The following PAX7 variants were observed in gnomAD, a reference collection of about 807,000 sequenced individuals.
The protein encoded by PAX7 is paired box 7.
A neutral mutation model predicts 50.7 loss-of-function variants in PAX7; 18 were observed. The observed-to-expected ratio is 0.36, with a 90% CI of 0.25 to 0.53. The LOEUF (loss-of-function observed/expected upper bound fraction) is 0.53. Among genes scored for constraint, PAX7 ranks in the 20% least tolerant of loss-of-function variants. The pLI, the probability that PAX7 is intolerant of heterozygous loss-of-function variation, is 0.93. For synonymous variants in PAX7, 310 were observed against 290.4 expected, an observed-to-expected ratio of 1.07 and a Z score of -0.69; for missense variants, 644 against 702.9, an observed-to-expected ratio of 0.92 and a Z score of 0.95.
chr1:18,729,037 A>G (rs9439685), intron 7 of PAX7, among the ~76,000 whole-genome samples: 6,103 of 152,048 alleles, frequency 0.04, 176 homozygotes, highest in East Asian at 0.1. Flanking sequence ...TGGATTCCAG[A>G]CCCCAGACCC....
chr1:18,637,400 C>T (rs983538836), intron 4 of PAX7, among the ~76,000 whole-genome samples: 1 of 151,988 alleles, frequency 6.6e-6, no homozygotes, highest in Non-Finnish European at 1.5e-5. Context: ...AAGAAAAGGC[C>T]CCAAACACAT....
Position 18,631,646 on chromosome 1 carries a change from G to T in PAX7, c.43G>T (p.Ala15Ser). ...PGTVPRMMRPAPGQNYPRTGF... is the reference protein window; with the variant it reads ...PGTVPRMMRPSPGQNYPRTGF... ...CACGGTACCGAGAATGATGCGGCCGGCTCCGGGGCAGAACTACCCCCGCAC... is the reference window on the plus strand; with the variant it reads ...CACGGTACCGAGAATGATGCGGCCGTCTCCGGGGCAGAACTACCCCCGCAC... Residue 15 changes from alanine (A) to serine (S), a missense_variant, in exon 1 of 9, where the codon GCT (alanine) becomes TCT (serine). Ala to Ser is a moderately conservative substitution (Grantham distance 99, BLOSUM62 1). Coordinates refer to ENST00000420770, the MANE Select transcript of PAX7 (RefSeq NM_001135254.2). 6.2e-7 allele frequency: 1 copy of T among 1,613,228 alleles called. No individual in the cohort carries two copies. The highest frequency in any genetic ancestry group is 1.1e-5 in the South Asian group (1 of 90,746).
chr1:18,707,099 T>A (rs568991), intron 7 of PAX7, among the ~76,000 whole-genome samples: 12 of 152,256 alleles, frequency 7.9e-5, no homozygotes, highest in Middle Eastern at 3.4e-3. Context: ...TTATAGAGAA[T>A]CTACTATGTG....
At chr1:18,655,608 G>T (rs1369887676) in intron 4 of PAX7, among the ~76,000 whole-genome samples, 2 of 152,214 alleles carry the variant, frequency 1.3e-5, no homozygotes, top group South Asian at 2.1e-4. Flanking sequence ...GGGTTTCCAG[G>T]CCTGTCAGCT....
Position 18,735,485 on chromosome 1 carries a change from G to A in PAX7, c.1156-147G>A. On this transcript the variant is annotated intron_variant, in intron 7 of 8. Transcript: ENST00000420770. This position sits in a 1 kb window ranked among gnomAD's most constrained non-coding sequence, Gnocchi z 4.0. ...CCATGCATGAGGGCACGCAAATCAG[G>A]TAAACTGAGGACCTCGAAGCTACAG... 7.0e-7 allele frequency: 1 copy of A among 1,420,254 alleles called. No individual in the cohort carries two copies. Among genetic ancestry groups the A allele is most frequent in the Non-Finnish European group, 9.4e-7 (1 of 1,068,850 alleles). The allele number at this position is 1,420,254 out of a possible 1,614,324, so 88.0% of individuals were successfully genotyped here.
Position 18,700,763 on chromosome 1 carries a change from G to C in PAX7, c.897G>C (p.Thr299=), listed in dbSNP as rs150935650. 1.3e-6 allele frequency: 2 copies of C among 1,589,498 alleles called. No individual in the cohort carries two copies. ...GCTTCCCACCCACCGGCATGCCCAC[G>C]CTGCCCCCCTACCAGCTGCCGGACT... is the stretch of plus-strand genomic sequence containing the variant. ...PGGFPPTGMP[T]LPPYQLPDST... is the part of the protein sequence containing the mutation. Residue 299 remains threonine, a synonymous_variant, in exon 6 of 9, where the codon ACG becomes ACC. Coordinates refer to ENST00000420770, the MANE Select transcript of PAX7 (RefSeq NM_001135254.2). This position sits in a 1 kb window ranked among gnomAD's most constrained non-coding sequence, Gnocchi z 4.8.
rs1262555186 is a variant in PAX7, at chr1:18,693,466, G to A, written c.786+1513G>A. Among the ~76,000 whole-genome samples the A allele has an allele frequency of 3.3e-5, 5 of 152,184 alleles. 1 individual carries two copies. The South Asian group carries it at 6.2e-4, about 19-fold the overall frequency. On this transcript the variant is annotated intron_variant, in intron 5 of 8. Coordinates refer to ENST00000420770, the MANE Select transcript of PAX7 (RefSeq NM_001135254.2). ...AGGCCCAGCTGCTGGCAAAAACCAC[G>A]TCCTTTCCATCCAGGGAAATGAACA...
At chr1:18,722,513 G>A (rs780967022) in intron 7 of PAX7, among the ~76,000 whole-genome samples, 3 of 152,066 alleles carry the variant, frequency 2.0e-5, no homozygotes, top group East Asian at 1.9e-4. Context: ...CTTTATCCTC[G>A]ATAAGTGGAT....
At chr1:18,659,566 A>G (rs2088571952) in intron 4 of PAX7, among the ~76,000 whole-genome samples, 1 of 152,120 alleles carries the variant, frequency 6.6e-6, no homozygotes, top group Non-Finnish European at 1.5e-5. Context: ...CAGGGAGGTC[A>G]TTTGTACTCA....
chr1:18,734,878 A>C (rs2089691327), intron 7 of PAX7, among the ~76,000 whole-genome samples: 1 of 152,124 alleles, frequency 6.6e-6, no homozygotes, highest in Non-Finnish European at 1.5e-5. Context: ...CCAGTAAGTG[A>C]ACACCTGGAC....
intron 4 of PAX7, among the ~76,000 whole-genome samples, chr1:18,665,615 C>T (rs2088657125): frequency 6.6e-6 from 1 of 151,234 alleles, no homozygotes; most frequent in Admixed American, 6.6e-5. Flanking sequence ...CCTCGTGATC[C>T]ACCTGCCTCA....
chr1:18,633,434 C>T (rs1480608676), intron 1 of PAX7, among the ~76,000 whole-genome samples: 1 of 152,332 alleles, frequency 6.6e-6, no homozygotes, highest in Admixed American at 6.5e-5. Flanking sequence ...TGATGCCTGT[C>T]TTCCCGGTTC....
At position 18,632,636 on chromosome 1, in the gene PAX7, T is replaced by C. The variant is rs1003806260; in HGVS notation, c.85+948T>C. Among the ~76,000 whole-genome samples the C allele has an allele frequency of 1.5e-4, 20 of 136,122 alleles. No individual in the cohort carries two copies. Among genetic ancestry groups the C allele is most frequent in the Admixed American group, 1.1e-3 (15 of 14,128 alleles). 89.3% of individuals were successfully genotyped at this position (136,122 alleles called of 152,430 possible). A position where few individuals can be genotyped will look rare whatever the true frequency, so the allele number is the denominator to read the frequency against. ...TGTCACAGAGAAGTCATTAGAAATA[T>C]GTGCGACTTTTTTTTTTTAAATTAC... On this transcript the variant is annotated intron_variant, in intron 1 of 8. Coordinates refer to ENST00000420770, the MANE Select transcript of PAX7 (RefSeq NM_001135254.2). The surrounding 1 kb of genome is among the most constrained non-coding windows in gnomAD (Gnocchi z 6.3).
chr1:18,736,710 A>G (rs1030961209), intron 8 of PAX7, among the ~76,000 whole-genome samples: 2 of 152,258 alleles, frequency 1.3e-5, no homozygotes, highest in African/African-American at 4.8e-5. Flanking sequence ...TAAATTTCAT[A>G]TAGTTTGCAA....
chr1:18,663,214 A>G (rs987560177), intron 4 of PAX7, among the ~76,000 whole-genome samples: 3 of 152,198 alleles, frequency 2.0e-5, no homozygotes, highest in Non-Finnish European at 2.9e-5. Context: ...TATCACCTTC[A>G]ACCTGATGGT....
Position 18,692,443 on chromosome 1 carries a change from G to T in PAX7, c.786+490G>T, listed in dbSNP as rs186916374. Among the ~76,000 whole-genome samples, 385 of 152,276 alleles carry T rather than the reference G, an allele frequency of 2.5e-3. 6 individuals are homozygous for T. In the South Asian group the frequency reaches 0.034, roughly 14 times the overall value. On this transcript the variant is annotated intron_variant, in intron 5 of 8. Transcript: ENST00000420770. ...CGTAATCCCAGCTACTCGGGAGGCT[G>T]AGGCAGGAGAGTCACTTGAACGTGG... is the stretch of plus-strand genomic sequence containing the variant.
At chr1:18,733,187 T>A (rs2089668474) in intron 7 of PAX7, among the ~76,000 whole-genome samples, 1 of 151,826 alleles carries the variant, frequency 6.6e-6, no homozygotes, top group Non-Finnish European at 1.5e-5. Context: ...GCTAAGGAGA[T>A]CCCATCTTGA....
chr1:18,728,816 G>A (rs2089611114), intron 7 of PAX7, among the ~76,000 whole-genome samples: 1 of 150,242 alleles, frequency 6.7e-6, no homozygotes. Flanking sequence ...GGTGAGCCGA[G>A]ATCACACCAT....
chr1:18,665,307 C>T (rs80251126), intron 4 of PAX7, among the ~76,000 whole-genome samples: 2,959 of 152,226 alleles, frequency 0.019, 92 homozygotes, highest in African/African-American at 0.064. Flanking sequence ...AGCAATGAGG[C>T]GGGCTTGTGC....
Sources: gnomAD v4.1 joint callset for allele counts (sites outside exome capture counted in the v4.1 genomes callset) on GRCh38, gnomAD v4.1.1 for gene constraint, Gnocchi (gnomAD v3.1) non-coding constraint, MANE v1.5 for transcripts, NCBI Gene and HGNC (gene_info 2026-07-23, HGNC 2026-07-21) for gene names.